Variants in DNAH5 observed in about 807,000 individuals in gnomAD.
DNAH5 encodes the protein dynein axonemal heavy chain 5.
In DNAH5, 372 loss-of-function variants were observed where a neutral mutation model predicts 518.2. That is an observed-to-expected ratio of 0.72 (90% CI 0.66 to 0.78). The LOEUF is 0.78. DNAH5 is among the 30% of genes least tolerant of loss of function. The pLI, the probability that DNAH5 is intolerant of heterozygous loss-of-function variation, is 0.00. For missense variants in DNAH5, 5,523 were observed against 5,687.0 expected, an observed-to-expected ratio of 0.97 and a Z score of 0.93; for synonymous variants, 2,039 against 2,025.9, an observed-to-expected ratio of 1.01 and a Z score of -0.17.
intron 30 of DNAH5, among the ~76,000 whole-genome samples, chr5:13,855,504 G>A (rs1403332448): frequency 6.2e-5 from 3 of 48,226 alleles, no homozygotes; most frequent in Middle Eastern, 9.1e-3. Context: ...CACCGCGCCC[G>A]GCCATAAATC....
intron 47 of DNAH5, among the ~76,000 whole-genome samples, chr5:13,795,203 A>C (rs1274441660): frequency 6.6e-6 from 1 of 152,214 alleles, no homozygotes; most frequent in African/African-American, 2.4e-5. Context: ...CTAAGATCAG[A>C]GCACAACTGA....
At chr5:13,931,280 G>T in intron 1 of DNAH5, 36 bp from the exon 2 acceptor site, 1 of 1,613,070 alleles carries the variant, frequency 6.2e-7, no homozygotes, top group Non-Finnish European at 8.5e-7. Context: ...CATGGAAACT[G>T]CTGTTCTCAA....
At chr5:13,981,708 A>G (rs1442018470) in intron 1 of DNAH5, among the ~76,000 whole-genome samples, 1 of 152,224 alleles carries the variant, frequency 6.6e-6, no homozygotes, top group Non-Finnish European at 1.5e-5. Context: ...AATCAGCTTT[A>G]TCAGTAATAA....
intron 54 of DNAH5, among the ~76,000 whole-genome samples, chr5:13,776,958 C>T (rs974149511): frequency 6.6e-6 from 1 of 152,168 alleles, no homozygotes; most frequent in African/African-American, 2.4e-5. Flanking sequence ...TTTCTAACTT[C>T]GCTCTTCTGT....
At chr5:13,846,618 GA>G (rs1275789309) in intron 31 of DNAH5, among the ~76,000 whole-genome samples, 4 of 152,146 alleles carry the variant, frequency 2.6e-5, no homozygotes, top group African/African-American at 9.7e-5. Flanking sequence ...GCAAAGAAAA[GA>G]AGGAGATACA....
In DNAH5 at chr5:13,884,599, G is replaced by A. The variant is rs570113353; in HGVS notation, c.2983+390C>T. ...CGCCTGTAATCCCAACACTTTGGGA[G>A]GCCGGGGCGGGCGGATCACCTGAGC... On this transcript the variant is annotated intron_variant, in intron 19 of 78. Transcript: ENST00000265104. 3.9e-5 allele frequency among the ~76,000 whole-genome samples: 6 copies of A among 152,380 alleles called. No individual in the cohort carries two copies. In the East Asian group the frequency reaches 7.7e-4, roughly 20 times the overall value.
chr5:13,992,903 TAC>T (rs1783657672), intron 1 of DNAH5, among the ~76,000 whole-genome samples: 2 of 152,336 alleles, frequency 1.3e-5, no homozygotes, highest in East Asian at 3.9e-4. Context: ...CAATCATCAC[TAC>T]AGAGACTGCT....
intron 58 of DNAH5, among the ~76,000 whole-genome samples, chr5:13,767,166 C>A (rs1248531648): frequency 6.6e-6 from 1 of 152,124 alleles, no homozygotes; most frequent in Non-Finnish European, 1.5e-5. Context: ...ACTCTGTCAC[C>A]CAGGCTGGAG....
chr5:13,692,119 C>T lies in DNAH5; in HGVS notation c.13740G>A (p.Arg4580=). Reference sequence around the variant, plus strand: ...TCTTATAGATGGGACAGGAGTAAAACCGAGGATCTCGTAAAGCTACAAAAA... The same window carrying T: ...TCTTATAGATGGGACAGGAGTAAAATCGAGGATCTCGTAAAGCTACAAAAA... The part of the protein sequence containing the change: ...YAENNTLRDP[R]FYSCPIYKKP... The change falls in exon 79 of 79, where the codon CGG becomes CGA. Residue 4580 remains arginine, a synonymous_variant. Transcript: ENST00000265104. The T allele has an allele frequency of 6.2e-7, 1 of 1,613,982 alleles. No individual in the cohort carries two copies. Among genetic ancestry groups the T allele is most frequent in the Non-Finnish European group, 8.5e-7 (1 of 1,179,972 alleles).
intron 21 of DNAH5, among the ~76,000 whole-genome samples, chr5:13,880,832 A>G (rs1168131538): frequency 6.6e-6 from 1 of 152,004 alleles, no homozygotes. Flanking sequence ...ACCTATCAAC[A>G]ATTACTTTAA....
chr5:13,747,033 C>A (rs1426097536), intron 65 of DNAH5, among the ~76,000 whole-genome samples: 3 of 151,982 alleles, frequency 2.0e-5, no homozygotes, highest in Admixed American at 2.0e-4. Context: ...TGCTATCCCT[C>A]CCCTCTCCCC....
At chr5:13,875,685 A>G (rs11739286) in intron 22 of DNAH5, among the ~76,000 whole-genome samples, 59,307 of 151,984 alleles carry the variant, frequency 0.39, 11,982 homozygotes, top group Non-Finnish European at 0.45. Context: ...TACTTTGCTT[A>G]TCATTCAGTA....
At chr5:13,866,020 T>G (rs1015533054) in intron 26 of DNAH5, 114 bp from the exon 27 acceptor site, 18 of 899,218 alleles carry the variant, frequency 2.0e-5, no homozygotes, top group African/African-American at 5.0e-5. Flanking sequence ...TCTGGGCACA[T>G]GTAAATAGGA....
intron 1 of DNAH5, among the ~76,000 whole-genome samples, chr5:13,954,338 G>T (rs73043313): frequency 0.034 from 5,169 of 152,246 alleles, 109 homozygotes; most frequent in Middle Eastern, 0.11. Context: ...CCTTATGAAG[G>T]TTGCAGGAAT....
intron 50 of DNAH5, among the ~76,000 whole-genome samples, chr5:13,789,223 C>T (rs538934746): frequency 1.2e-4 from 18 of 152,230 alleles, no homozygotes; most frequent in Non-Finnish European, 2.6e-4. Context: ...ATAAATTAGT[C>T]TTTTTAATAA....
At chr5:13,809,894 T>G (rs1244465408) in intron 45 of DNAH5, among the ~76,000 whole-genome samples, 165 bp downstream of exon 45, 1 of 152,254 alleles carries the variant, frequency 6.6e-6, no homozygotes, top group Non-Finnish European at 1.5e-5. Flanking sequence ...AAAGTAGATT[T>G]TTTAAAAAGA....
intron 47 of DNAH5, among the ~76,000 whole-genome samples, chr5:13,796,690 GA>G (rs1251195584): frequency 3.9e-5 from 6 of 152,038 alleles, no homozygotes; most frequent in Admixed American, 2.6e-4. Context: ...CACAGAATTG[GA>G]AAAAACTACT....
intron 50 of DNAH5, among the ~76,000 whole-genome samples, chr5:13,791,053 G>A (rs991945059): frequency 6.6e-6 from 1 of 151,928 alleles, no homozygotes; most frequent in Non-Finnish European, 1.5e-5. Flanking sequence ...ACCTTCACGT[G>A]TACCCCCAAA....
chr5:13,994,432 C>T (rs973509763), intron 1 of DNAH5, among the ~76,000 whole-genome samples: 11 of 152,218 alleles, frequency 7.2e-5, no homozygotes, highest in African/African-American at 2.7e-4. Flanking sequence ...TTAAAAATTA[C>T]TACTGTAAGC....
Sources: allele counts gnomAD v4.1 joint callset (sites outside exome capture counted in the v4.1 genomes callset), GRCh38; gene constraint gnomAD v4.1.1; transcripts MANE v1.5; gene names NCBI Gene and HGNC (gene_info 2026-07-23, HGNC 2026-07-21).